The following PPP2R2B variants were observed in gnomAD, a reference collection of about 807,000 sequenced individuals.
PPP2R2B encodes serine/threonine-protein phosphatase 2A 55 kDa regulatory subunit B beta isoform.
A neutral mutation model predicts 46.0 loss-of-function variants in PPP2R2B; 5 were observed. The observed-to-expected ratio is 0.11, with a 90% CI of 0.06 to 0.23. The LOEUF is 0.23. Among genes scored for constraint, PPP2R2B ranks in the 10% least tolerant of loss-of-function variants. PPP2R2B has a pLI of 1.00. For synonymous variants in PPP2R2B, 215 were observed against 206.7 expected (o/e 1.04, Z -0.34); for missense variants, 367 against 575.0 (o/e 0.64, Z 3.70).
In PPP2R2B at chr5:147,000,831, T is replaced by C. The variant is rs141651515; in HGVS notation, c.79+54834A>G. On this transcript the variant is annotated intron_variant, in intron 1 of 8. Transcript: ENST00000336640. ...CTTGGTTTAATCATCTCCTGAGGGATTTCCCTCCTGACTAGGTTCACACTG... is the reference window on the plus strand; with the variant it reads ...CTTGGTTTAATCATCTCCTGAGGGACTTCCCTCCTGACTAGGTTCACACTG... Among the ~76,000 whole-genome samples, 3 of 152,150 alleles carry C rather than the reference T, an allele frequency of 2.0e-5. No individual in the cohort carries two copies. The East Asian group carries it at 5.8e-4, about 30-fold the overall frequency.
chr5:146,809,888 GC>G (rs1243836247), intron 2 of PPP2R2B, among the ~76,000 whole-genome samples: 22 of 152,166 alleles, frequency 1.4e-4, no homozygotes, highest in Non-Finnish European at 2.6e-4. Context: ...AATGGCAGTG[GC>G]TTAGACTCAC....
At chr5:146,616,405 C>A (rs1242435171) in intron 7 of PPP2R2B, among the ~76,000 whole-genome samples, 3 of 152,110 alleles carry the variant, frequency 2.0e-5, no homozygotes, top group South Asian at 4.1e-4. Context: ...TAAAACATTT[C>A]TGCACAGCAA....
intron 2 of PPP2R2B, among the ~76,000 whole-genome samples, chr5:146,763,066 A>G (rs892992544): frequency 2.0e-5 from 3 of 152,192 alleles, no homozygotes; most frequent in African/African-American, 7.2e-5. Context: ...TTCTGCCTGG[A>G]GCACTTGGCC....
intron 5 of PPP2R2B, among the ~76,000 whole-genome samples, chr5:146,650,999 T>A (rs1329813277): frequency 1.3e-5 from 2 of 152,172 alleles, no homozygotes; most frequent in Non-Finnish European, 2.9e-5. Context: ...GGTAGCCTCA[T>A]CTCAGGGGAA....
intron 5 of PPP2R2B, among the ~76,000 whole-genome samples, chr5:146,669,273 G>T (rs952261394): frequency 6.6e-6 from 1 of 152,102 alleles, no homozygotes; most frequent in South Asian, 2.1e-4. Flanking sequence ...AAAAAGGAAA[G>T]AAGCAAATTT....
At chr5:146,689,633 T>A (rs1778717841) in intron 5 of PPP2R2B, among the ~76,000 whole-genome samples, 1 of 152,220 alleles carries the variant, frequency 6.6e-6, no homozygotes, top group Admixed American at 6.5e-5. Context: ...ATGACTGTCA[T>A]ATGCCCAAGG....
intron 2 of PPP2R2B, among the ~76,000 whole-genome samples, chr5:146,767,399 G>T (rs1215832099): frequency 6.6e-6 from 1 of 152,124 alleles, no homozygotes; most frequent in Non-Finnish European, 1.5e-5. Flanking sequence ...CACTGACTCT[G>T]CAGCTGGTTC....
At chr5:146,691,014 C>T (rs1738210476) in intron 5 of PPP2R2B, 114 bp downstream of exon 5, 1 of 820,774 alleles carries the variant, frequency 1.2e-6, no homozygotes, top group Admixed American at 2.5e-5. Flanking sequence ...GAGTCTCTGC[C>T]TACGTTCCCT....
intron 5 of PPP2R2B, among the ~76,000 whole-genome samples, chr5:146,657,722 G>C (rs1216962822): frequency 2.0e-5 from 3 of 152,096 alleles, no homozygotes; most frequent in Non-Finnish European, 2.9e-5. Flanking sequence ...AGGCCCCATA[G>C]ACGACCCCAT....
rs1006126397 is a variant in PPP2R2B at position 146,700,990 on chromosome 5, G to C, written c.168+55C>G. On this transcript the variant is annotated intron_variant, in intron 3 of 9. Transcript: ENST00000394411. ...ACACATAAGGATTAAGGAACAGTAGGAGGCCTCCTTTAAAAAGTGAAGAAA... is the reference window on the plus strand; with the variant it reads ...ACACATAAGGATTAAGGAACAGTAGCAGGCCTCCTTTAAAAAGTGAAGAAA... 3 of 1,440,874 alleles carry C rather than the reference G, an allele frequency of 2.1e-6. No homozygotes were observed. The African/African-American group carries it at 4.2e-5, about 20-fold the overall frequency. The allele number at this position is 1,440,874 out of a possible 1,614,324, so 89.3% of individuals were successfully genotyped here.
chr5:146,799,457 C>T (rs988624866), intron 2 of PPP2R2B, among the ~76,000 whole-genome samples: 3 of 152,096 alleles, frequency 2.0e-5, no homozygotes, highest in African/African-American at 7.2e-5. Context: ...TATTGCACAC[C>T]CAAAATATAC....
At chr5:146,673,749 A>C (rs1196997461) in intron 5 of PPP2R2B, among the ~76,000 whole-genome samples, 1 of 152,226 alleles carries the variant, frequency 6.6e-6, no homozygotes. Context: ...ACTCCTGAGC[A>C]TGTAACCTTT....
intron 1 of PPP2R2B, among the ~76,000 whole-genome samples, chr5:146,978,246 G>A (rs1753008781): frequency 6.6e-6 from 1 of 152,006 alleles, no homozygotes; most frequent in Non-Finnish European, 1.5e-5. Flanking sequence ...ATTTGTTCAA[G>A]TTCCTTATAG....
At chr5:146,795,672 G>GA (rs1253827665) in intron 2 of PPP2R2B, among the ~76,000 whole-genome samples, 1 of 151,998 alleles carries the variant, frequency 6.6e-6, no homozygotes, top group Non-Finnish European at 1.5e-5. Flanking sequence ...AAACAAAACA[G>GA]AAAAAACCAC....
At chr5:146,686,882 G>T (rs1488345840) in intron 5 of PPP2R2B, among the ~76,000 whole-genome samples, 4 of 152,012 alleles carry the variant, frequency 2.6e-5, no homozygotes, top group African/African-American at 9.7e-5. Flanking sequence ...AGCTCTAAGG[G>T]TCTGTTACTC....
At chr5:146,863,406 T>C (rs1276593550) in intron 2 of PPP2R2B, among the ~76,000 whole-genome samples, 1 of 152,160 alleles carries the variant, frequency 6.6e-6, no homozygotes, top group Non-Finnish European at 1.5e-5. Flanking sequence ...ATTGATGAGT[T>C]CCAGTTTGCA....
chr5:146,834,795 T>C (rs12055312), intron 2 of PPP2R2B, among the ~76,000 whole-genome samples: 21,281 of 152,130 alleles, frequency 0.14, 1,973 homozygotes, highest in East Asian at 0.43. Flanking sequence ...CTTCAAGCAG[T>C]CCTCAGTGTC....
At chr5:146,994,646 AGT>A (rs1753846815) in intron 1 of PPP2R2B, among the ~76,000 whole-genome samples, 1 of 152,136 alleles carries the variant, frequency 6.6e-6, no homozygotes, top group Non-Finnish European at 1.5e-5. Context: ...TGCTCCCAGG[AGT>A]GTTAATTCCC....
intron 5 of PPP2R2B, among the ~76,000 whole-genome samples, chr5:146,687,513 CT>C (rs141456452): frequency 0.01 from 1,541 of 152,210 alleles, 21 homozygotes; most frequent in African/African-American, 0.034. Flanking sequence ...GCATTTTCAC[CT>C]GCTAAATACC....
Sources: allele counts gnomAD v4.1 joint callset (sites outside exome capture counted in the v4.1 genomes callset), GRCh38; gene constraint gnomAD v4.1.1; transcripts MANE v1.5; gene names NCBI Gene and HGNC (gene_info 2026-07-23, HGNC 2026-07-21).